Variants in HADHA observed in about 807,000 individuals in gnomAD.
HADHA encodes hydroxyacyl-CoA dehydrogenase trifunctional multienzyme complex subunit alpha.
A neutral mutation model predicts 91.3 loss-of-function variants in HADHA; 59 were observed. That is an observed-to-expected ratio of 0.65 (90% confidence interval 0.52 to 0.80). The LOEUF is 0.80. HADHA is among the 30% of genes least tolerant of loss of function. HADHA has a pLI of 0.00. For synonymous variants in HADHA, 320 were observed against 338.9 expected (o/e 0.94, Z 0.61); for missense variants, 800 against 927.6 (o/e 0.86, Z 1.79).
chr2:26,191,712 A>G, intron 18 of HADHA, 84 bp from the exon 19 acceptor site: 2 of 1,377,432 alleles, frequency 1.5e-6, no homozygotes, highest in Non-Finnish European at 2.1e-6. Flanking sequence ...GGAAGTCGGG[A>G]TGGGTGCATG....
chr2:26,240,583 A>G (rs908865475), intron 1 of HADHA, among the ~76,000 whole-genome samples: 5 of 152,170 alleles, frequency 3.3e-5, no homozygotes, highest in Admixed American at 6.5e-5. Context: ...AAGAAACACA[A>G]ATATGTTAGA....
At chr2:26,240,570 A>G (rs1295980416) in intron 1 of HADHA, among the ~76,000 whole-genome samples, 1 of 152,194 alleles carries the variant, frequency 6.6e-6, no homozygotes, top group Non-Finnish European at 1.5e-5. Flanking sequence ...AGAGGGAAAA[A>G]CCAAGAAACA....
rs544275220 is a variant in HADHA at position 26,221,770 on chromosome 2, G to C, written c.677-6595C>G. Among the ~76,000 whole-genome samples, 1 of 152,328 alleles carries C rather than the reference G, an allele frequency of 6.6e-6. No homozygotes were observed. Among genetic ancestry groups the C allele is most frequent in the East Asian group, 1.9e-4 (1 of 5,182 alleles). ...AGGTACCACCTGGAAGTGCACAGCT[G>C]TAACACTACAGTCCCTTCTGGGACA... On this transcript the variant is annotated intron_variant, in intron 7 of 19. Transcript: ENST00000380649. The surrounding 1 kb of genome is among the most constrained non-coding windows in gnomAD (Gnocchi z 4.8).
intron 10 of HADHA, 176 bp downstream of exon 10, chr2:26,212,394 G>C (rs1453760583): frequency 1.4e-5 from 9 of 655,718 alleles, no homozygotes; most frequent in Middle Eastern, 4.1e-4. Flanking sequence ...GCCCCATTAG[G>C]GTATTCTTAG....
intron 7 of HADHA, among the ~76,000 whole-genome samples, chr2:26,224,866 G>GTGATA (rs1176075570): frequency 1.3e-5 from 2 of 152,148 alleles, no homozygotes; most frequent in African/African-American, 4.8e-5. Context: ...AGTGATTAAA[G>GTGATA]TCCTATCAGC....
At chr2:26,196,778 G>T (rs143968471) in intron 14 of HADHA, among the ~76,000 whole-genome samples, 107 of 152,348 alleles carry the variant, frequency 7.0e-4, no homozygotes, top group Middle Eastern at 6.8e-3. Flanking sequence ...CAAATGAACA[G>T]CAACGGCATC....
At chr2:26,219,002 G>A (rs12988853) in intron 7 of HADHA, among the ~76,000 whole-genome samples, 90,714 of 113,802 alleles carry the variant, frequency 0.8, 36,045 homozygotes, top group East Asian at 0.84. Flanking sequence ...GCAAGACTCC[G>A]TCTCAAAAAA....
At chr2:26,225,824 T>C (rs1167141177) in intron 7 of HADHA, among the ~76,000 whole-genome samples, 1 of 152,158 alleles carries the variant, frequency 6.6e-6, no homozygotes, top group African/African-American at 2.4e-5. Context: ...CTATCCAGTA[T>C]TGTACAAAGG....
In HADHA at chr2:26,195,081, C is replaced by G. The variant is rs112236946; in HGVS notation, c.1620+11G>C. The G allele has an allele frequency of 3.4e-3, 5,410 of 1,608,628 alleles. 151 individuals carry two copies. In the African/African-American group the frequency reaches 0.063, roughly 19 times the overall value. ...TCAAAAACTCTGCAGCTCTGTTATA[C>G]AGCCCCTTACCTTAACCACAATGAT... is the stretch of plus-strand genomic sequence containing the variant. On this transcript the variant is annotated intron_variant, in intron 15 of 19. Transcript: ENST00000380649.
intron 15 of HADHA, among the ~76,000 whole-genome samples, chr2:26,194,859 AC>A (rs1016337898): frequency 1.6e-4 from 24 of 152,120 alleles, no homozygotes; most frequent in African/African-American, 5.5e-4. Context: ...TTTCATGGTC[AC>A]CTTCAAGGTC....
chr2:26,202,201 A>G (rs1165258640), intron 12 of HADHA, among the ~76,000 whole-genome samples: 1 of 152,150 alleles, frequency 6.6e-6, no homozygotes, highest in African/African-American at 2.4e-5. Flanking sequence ...GATTACATAA[A>G]ATATTAACTC....
intron 14 of HADHA, among the ~76,000 whole-genome samples, chr2:26,195,627 G>A (rs1348567521): frequency 1.3e-5 from 2 of 152,106 alleles, no homozygotes; most frequent in African/African-American, 4.8e-5. Flanking sequence ...AAGAATTAAT[G>A]TGTTGGGCTG....
At chr2:26,230,786 G>A (rs1220515533) in intron 6 of HADHA, among the ~76,000 whole-genome samples, 1 of 152,098 alleles carries the variant, frequency 6.6e-6, no homozygotes, top group South Asian at 2.1e-4. Flanking sequence ...GCTGGGCATG[G>A]TGGGGCACAC....
At position 26,191,179 on chromosome 2, in the gene HADHA, C is replaced by A; in HGVS notation, c.*71G>T. 2 of 1,458,566 alleles carry A rather than the reference C, an allele frequency of 1.4e-6. No individual in the cohort carries two copies. Among genetic ancestry groups the A allele is most frequent in the South Asian group, 1.1e-5 (1 of 87,638 alleles). The allele number at this position is 1,458,566 out of a possible 1,614,324, so 90.4% of individuals were successfully genotyped here. On this transcript the variant is annotated 3_prime_UTR_variant, in exon 20 of 20. Coordinates refer to ENST00000380649, the MANE Select transcript of HADHA (RefSeq NM_000182.5). ...TCGTTACTCTGATAAATCTAGACAC[C>A]ACTCTGTTGGAGAACCAGCACTGCC...
intron 7 of HADHA, among the ~76,000 whole-genome samples, chr2:26,224,213 A>C (rs1009551768): frequency 1.3e-5 from 2 of 152,194 alleles, no homozygotes; most frequent in African/African-American, 4.8e-5. Flanking sequence ...CCATGGGGAA[A>C]ACGGTACTGG....
chr2:26,228,579 G>T (rs1011451737), intron 7 of HADHA, among the ~76,000 whole-genome samples: 2 of 152,156 alleles, frequency 1.3e-5, no homozygotes, highest in African/African-American at 4.8e-5. Context: ...CAGCAATAAG[G>T]ACAAACTGCT....
chr2:26,197,666 G>C, intron 14 of HADHA, 25 bp downstream of exon 14: 1 of 1,023,478 alleles, frequency 9.8e-7, no homozygotes, highest in Non-Finnish European at 1.6e-6. Flanking sequence ...AAACATCTCA[G>C]GGTTTTTCTC....
chr2:26,211,105 A>G (rs1670089433), intron 10 of HADHA, among the ~76,000 whole-genome samples: 1 of 152,234 alleles, frequency 6.6e-6, no homozygotes. Context: ...AGATTCATCA[A>G]TGGTCAGAAA....
At chr2:26,195,037 G>T in intron 15 of HADHA, 55 bp downstream of exon 15, 1 of 1,367,746 alleles carries the variant, frequency 7.3e-7, no homozygotes, top group South Asian at 1.2e-5. Context: ...GGAGGTAAAA[G>T]GAGTCTTATT....
Sources: gnomAD v4.1 joint callset for allele counts (sites outside exome capture counted in the v4.1 genomes callset) on GRCh38, gnomAD v4.1.1 for gene constraint, Gnocchi (gnomAD v3.1) non-coding constraint, MANE v1.5 for transcripts, NCBI Gene and HGNC (gene_info 2026-07-23, HGNC 2026-07-21) for gene names.